The following PALD1 variants were observed in gnomAD, a reference collection of about 807,000 sequenced individuals.
PALD1 encodes the protein paladin.
In PALD1, 57 loss-of-function variants were observed where a neutral mutation model predicts 96.0. The ratio of observed to expected loss-of-function variants is 0.59; its 90% CI spans 0.48 to 0.74. The LOEUF is 0.74. Ranked by LOEUF, PALD1 falls within the 30% of genes least tolerant of loss-of-function variation. PALD1 has a pLI of 0.00. For missense variants in PALD1, 1,063 were observed against 1,143.7 expected (o/e 0.93, Z 1.02); for synonymous variants, 464 against 473.6 (o/e 0.98, Z 0.26).
chr10:70,506,561 C>T (rs1482324817), intron 1 of PALD1, among the ~76,000 whole-genome samples: 1 of 152,164 alleles, frequency 6.6e-6, no homozygotes, highest in African/African-American at 2.4e-5. Flanking sequence ...CCCAACTAAC[C>T]TGAGTGACAC....
intron 1 of PALD1, among the ~76,000 whole-genome samples, chr10:70,509,948 G>A (rs779656707): frequency 5.9e-5 from 9 of 152,318 alleles, no homozygotes; most frequent in Admixed American, 1.3e-4. Context: ...CATCTATCTC[G>A]TCCAGATGGA....
rs149538952 is a variant in PALD1 at position 70,539,600 on chromosome 10, G to A, written c.1746G>A (p.Lys582=). 9 of 1,611,168 alleles carry A rather than the reference G, an allele frequency of 5.6e-6. No homozygotes were observed. In the African/African-American group the frequency reaches 1.2e-4, roughly 22 times the overall value. Residue 582 remains lysine, a synonymous_variant, in exon 15 of 20, where the codon AAG becomes AAA. Transcript: ENST00000263563. The surrounding 1 kb of genome is among the most constrained non-coding windows in gnomAD (Gnocchi z 4.5). The part of the protein sequence containing the change: ...DQLETLEAQL[K]AHLSEPPPGK... The stretch of plus-strand genomic sequence containing the variant: ...CCCAGACCCTGGAGGCCCAGCTGAA[G>A]GCCCATCTAAGCGAGCCTCCCCCAG...
chr10:70,487,958 C>T lies in PALD1; in HGVS notation c.-30+8899C>T, dbSNP rs79486222. Among the ~76,000 whole-genome samples the T allele has an allele frequency of 7.9e-3, 1,201 of 152,350 alleles. 19 individuals are homozygous for T. The highest frequency in any genetic ancestry group is 0.028 in the African/African-American group (1,145 of 41,576). Reference sequence around the variant, plus strand: ...TTGTTTTTTCTGGATTTTTCACATACGTGGACTCATATAACAGGTAGCTTT... The same window carrying T: ...TTGTTTTTTCTGGATTTTTCACATATGTGGACTCATATAACAGGTAGCTTT... On this transcript the variant is annotated intron_variant, in intron 1 of 19. Coordinates refer to ENST00000263563, the MANE Select transcript of PALD1 (RefSeq NM_014431.3).
intron 18 of PALD1, 88 bp from the exon 19 acceptor site, chr10:70,564,276 C>T: frequency 7.2e-7 from 1 of 1,388,204 alleles, no homozygotes; most frequent in Non-Finnish European, 9.8e-7. Context: ...ATCACCCTGC[C>T]CTGGCACTCA....
At chr10:70,548,573 C>A (rs918067288) in intron 18 of PALD1, among the ~76,000 whole-genome samples, 4 of 152,054 alleles carry the variant, frequency 2.6e-5, no homozygotes, top group Admixed American at 2.6e-4. Flanking sequence ...GTGGGAGGGG[C>A]AGTGGTGGGA....
intron 12 of PALD1, 87 bp from the exon 13 acceptor site, chr10:70,538,805 C>T (rs1350922892): frequency 5.5e-6 from 6 of 1,097,742 alleles, no homozygotes; most frequent in Non-Finnish European, 8.3e-6. Context: ...TTCCACCCCA[C>T]CCCCCGTCTG....
chr10:70,479,950 A>G (rs1036292889), intron 1 of PALD1, among the ~76,000 whole-genome samples: 1 of 152,242 alleles, frequency 6.6e-6, no homozygotes, highest in Non-Finnish European at 1.5e-5. Flanking sequence ...GTTCCCCGAT[A>G]CAGGGTTTCA....
chr10:70,459,326 T>C, the PALD1 span, among the ~76,000 whole-genome samples: 1,448 of 152,340 alleles, frequency 9.5e-3, 17 homozygotes, highest in African/African-American at 0.032. Context: ...CTGAGGCTAA[T>C]TGAAGCTTAA....
chr10:70,563,847 C>G (rs1847788270), intron 18 of PALD1, among the ~76,000 whole-genome samples: 1 of 152,184 alleles, frequency 6.6e-6, no homozygotes, highest in Non-Finnish European at 1.5e-5. Context: ...CTTGATGACC[C>G]CTGCCATCGG....
intron 1 of PALD1, among the ~76,000 whole-genome samples, chr10:70,481,319 G>A (rs1415107684): frequency 6.6e-6 from 1 of 152,236 alleles, no homozygotes; most frequent in Non-Finnish European, 1.5e-5. Flanking sequence ...GGTTATCACT[G>A]TTTCCCTGCG....
rs781675921 is a variant in PALD1 at position 70,566,678 on chromosome 10, G to T, written c.2516G>T (p.Arg839Leu). 6.2e-7 allele frequency: 1 copy of T among 1,608,660 alleles called. No homozygotes were observed. The highest frequency in any genetic ancestry group is 8.5e-7 in the Non-Finnish European group (1 of 1,178,650). Residue 839 changes from arginine (R) to leucine (L), a missense_variant, in exon 20 of 20, where the codon CGG becomes CTG. Arg to Leu is a moderately radical substitution (Grantham distance 102). Coordinates refer to ENST00000263563, the MANE Select transcript of PALD1 (RefSeq NM_014431.3). ...CAGCCCTTCTCCAGGCTGCGCTACC[G>T]GTGGCAGGAGCAGAGCTGCAGCCTC... ...EDQPFSRLRYRWQEQSCSLEP... is the reference protein window; with the variant it reads ...EDQPFSRLRYLWQEQSCSLEP...
At chr10:70,488,001 A>G (rs1028392020) in intron 1 of PALD1, among the ~76,000 whole-genome samples, 10 of 152,144 alleles carry the variant, frequency 6.6e-5, no homozygotes, top group Admixed American at 6.5e-4. Flanking sequence ...TGGCTTCTTT[A>G]CTCAACATGA....
rs1015967417 is a variant in PALD1, at chr10:70,534,711, TCTTA to T, written c.1123-24_1123-21del. 3.6e-6 allele frequency: 3 copies of T among 842,114 alleles called. No homozygotes were observed. In the African/African-American group the frequency reaches 5.2e-5, roughly 15 times the overall value. 52.2% of individuals were successfully genotyped at this position (842,114 alleles called of 1,614,324 possible). A position where few individuals can be genotyped will look rare whatever the true frequency, so the allele number is the denominator to read the frequency against. On this transcript the variant is annotated intron_variant, in intron 9 of 19. Coordinates refer to ENST00000263563, the MANE Select transcript of PALD1 (RefSeq NM_014431.3). The stretch of plus-strand genomic sequence containing the variant: ...CCTGCTCCCCACCCCCCCACCTCCC[TCTTA>T]CTTGCCTTGGTCTCTGGCACCAGGT...
chr10:70,487,130 A>ATTTT (rs10669002), intron 1 of PALD1, among the ~76,000 whole-genome samples: 2,092 of 110,300 alleles, frequency 0.019, 63 homozygotes, highest in Non-Finnish European at 0.022. Flanking sequence ...TCTGAGCCCA[A>ATTTT]TTTTTTTTTT....
intron 18 of PALD1, among the ~76,000 whole-genome samples, chr10:70,563,742 A>T (rs1176948715): frequency 6.6e-6 from 1 of 152,138 alleles, no homozygotes; most frequent in Non-Finnish European, 1.5e-5. Context: ...TCAAGGCTGG[A>T]GGATGAACTC....
At chr10:70,458,560 G>A in the PALD1 span, among the ~76,000 whole-genome samples, 3 of 152,230 alleles carry the variant, frequency 2.0e-5, no homozygotes, top group Non-Finnish European at 2.9e-5. Flanking sequence ...CGAGGCTGGA[G>A]GCGGCAGTGA....
chr10:70,476,583 A>G (rs1845824472), upstream of PALD1, among the ~76,000 whole-genome samples: 2 of 152,164 alleles, frequency 1.3e-5, no homozygotes, highest in African/African-American at 4.8e-5. Context: ...AGGAACCTCC[A>G]AGCCCTCAGC....
intron 18 of PALD1, among the ~76,000 whole-genome samples, chr10:70,554,156 C>G (rs1255306519): frequency 1.3e-5 from 2 of 152,236 alleles, no homozygotes; most frequent in East Asian, 3.8e-4. Context: ...AGGCCATGCA[C>G]TCTGGCTCAT....
chr10:70,537,192 C>G (rs1847131684), intron 10 of PALD1, among the ~76,000 whole-genome samples: 1 of 151,984 alleles, frequency 6.6e-6, no homozygotes. Flanking sequence ...ACTGGAGCCT[C>G]AACTTCCCAG....
Sources: allele counts gnomAD v4.1 joint callset (sites outside exome capture counted in the v4.1 genomes callset), GRCh38; gene constraint gnomAD v4.1.1; non-coding constraint Gnocchi (gnomAD v3.1); transcripts MANE v1.5; gene names NCBI Gene and HGNC (gene_info 2026-07-23, HGNC 2026-07-21).